The following WASF2 variants were observed in gnomAD, a reference collection of about 807,000 sequenced individuals.
WASF2 encodes the protein WASP family member 2, also known as actin-binding protein WASF2.
In WASF2, 14 loss-of-function variants were observed where a neutral mutation model predicts 45.0. The ratio of observed to expected loss-of-function variants is 0.31; its 90% confidence interval spans 0.21 to 0.49. The LOEUF is 0.49. WASF2 is among the 20% of genes least tolerant of loss of function. WASF2 has a pLI of 0.99. For missense variants in WASF2, 439 were observed against 636.1 expected (o/e 0.69, Z 3.33); for synonymous variants, 200 against 236.3 (o/e 0.85, Z 1.41).
rs1227732420 is a variant in WASF2, at chr1:27,410,283, G to T, written c.825-77C>A. 2.0e-5 allele frequency: 31 copies of T among 1,570,344 alleles called. No homozygotes were observed. Among genetic ancestry groups the T allele is most frequent in the Non-Finnish European group, 2.6e-5 (30 of 1,152,836 alleles). ...CTATCTACAGTTAGCCTTGTCTACA[G>T]ACCGAGGTTTATCTTGGTTGACTAT... On this transcript the variant is annotated intron_variant, in intron 7 of 8. Coordinates refer to ENST00000618852, the MANE Select transcript of WASF2 (RefSeq NM_006990.5). The surrounding 1 kb of genome is among the most constrained non-coding windows in gnomAD (Gnocchi z 4.2).
intron 1 of WASF2, among the ~76,000 whole-genome samples, chr1:27,467,548 G>A (rs374437366): frequency 6.6e-6 from 1 of 150,492 alleles, no homozygotes; most frequent in Non-Finnish European, 1.5e-5. Context: ...TGATCCGCCC[G>A]CCTTGACCTC....
At chr1:27,412,203 G>C (rs1178739179) in intron 7 of WASF2, among the ~76,000 whole-genome samples, 1 of 152,116 alleles carries the variant, frequency 6.6e-6, no homozygotes, top group Non-Finnish European at 1.5e-5. Context: ...TTGACCTAGG[G>C]TTTTAACTTT....
At chr1:27,440,107 G>A (rs1457203232) in intron 1 of WASF2, among the ~76,000 whole-genome samples, 1 of 152,192 alleles carries the variant, frequency 6.6e-6, no homozygotes, top group Non-Finnish European at 1.5e-5. Flanking sequence ...GAGCTAATAT[G>A]ATAAACAGAA....
intron 5 of WASF2, among the ~76,000 whole-genome samples, chr1:27,415,402 C>T (rs891354803): frequency 2.6e-5 from 4 of 152,164 alleles, no homozygotes; most frequent in South Asian, 2.1e-4. Flanking sequence ...AGAATTTTTC[C>T]GCCTGTGCAG....
At chr1:27,485,804 C>T (rs560922961) in intron 1 of WASF2, among the ~76,000 whole-genome samples, 11 of 152,246 alleles carry the variant, frequency 7.2e-5, no homozygotes, top group African/African-American at 1.2e-4. Context: ...CTCCGCCTCC[C>T]GGATTCAAGC....
At chr1:27,440,417 G>A (rs2017206197) in intron 1 of WASF2, among the ~76,000 whole-genome samples, 1 of 152,056 alleles carries the variant, frequency 6.6e-6, no homozygotes. Context: ...AGCTACTCAG[G>A]AGGCTGATAT....
At chr1:27,436,821 GGAACTCCTGCGGTA>G (rs911878830) in intron 1 of WASF2, among the ~76,000 whole-genome samples, 1 of 152,176 alleles carries the variant, frequency 6.6e-6, no homozygotes, top group Non-Finnish European at 1.5e-5. Context: ...GGACAGAAAT[GGAACTCCTGCGGTA>G]GATACAGAAA....
At chr1:27,463,357 C>T (rs977313583) in intron 1 of WASF2, among the ~76,000 whole-genome samples, 4 of 151,870 alleles carry the variant, frequency 2.6e-5, no homozygotes, top group Admixed American at 6.6e-5. Flanking sequence ...TGGCCGGATG[C>T]GGTGACACCT....
At chr1:27,440,937 G>A (rs1373530696) in intron 1 of WASF2, among the ~76,000 whole-genome samples, 2 of 151,882 alleles carry the variant, frequency 1.3e-5, no homozygotes, top group African/African-American at 2.4e-5. Context: ...CACAATCTCA[G>A]CTCACTGCAG....
chr1:27,431,752 A>G lies in WASF2; in HGVS notation c.-43-2819T>C, dbSNP rs577705728. On this transcript the variant is annotated intron_variant, in intron 1 of 8. Coordinates refer to ENST00000618852, the MANE Select transcript of WASF2 (RefSeq NM_006990.5). Reference sequence around the variant, plus strand: ...AATTCTAACACCTTGGTACTTTAGCACTTATGGTTTTCTAAGTGCCTTGGA... The same window carrying G: ...AATTCTAACACCTTGGTACTTTAGCGCTTATGGTTTTCTAAGTGCCTTGGA... 1.2e-4 allele frequency among the ~76,000 whole-genome samples: 18 copies of G among 152,336 alleles called. No homozygotes were observed. In the South Asian group the frequency reaches 3.5e-3, roughly 30 times the overall value.
chr1:27,456,995 G>GC (rs1422418981), intron 1 of WASF2, among the ~76,000 whole-genome samples: 1 of 151,878 alleles, frequency 6.6e-6, no homozygotes, highest in Admixed American at 6.6e-5. Flanking sequence ...GCCCGTCTCG[G>GC]CCCCCCAAAG....
chr1:27,473,720 C>A (rs998049402), intron 1 of WASF2, among the ~76,000 whole-genome samples: 1 of 152,056 alleles, frequency 6.6e-6, no homozygotes, highest in Non-Finnish European at 1.5e-5. Context: ...AAAGAAAGAC[C>A]AAAACACTTC....
rs766883572 is a variant in WASF2 at position 27,415,968 on chromosome 1, G to A, written c.537+17C>T. The A allele has an allele frequency of 5.0e-6, 8 of 1,600,264 alleles. No individual in the cohort carries two copies. The South Asian group carries it at 6.6e-5, about 13-fold the overall frequency. On this transcript the variant is annotated intron_variant, in intron 5 of 8. Coordinates refer to ENST00000618852, the MANE Select transcript of WASF2 (RefSeq NM_006990.5). The stretch of plus-strand genomic sequence containing the variant: ...CGTGCCTACTGATGTGGAGAACAGA[G>A]GCCCCTTTCCCCTCACCCTATGCTT...
At chr1:27,437,973 C>T (rs986588571) in intron 1 of WASF2, among the ~76,000 whole-genome samples, 8 of 152,220 alleles carry the variant, frequency 5.3e-5, no homozygotes, top group African/African-American at 1.9e-4. Flanking sequence ...ATAACTCACA[C>T]AAGCCCCAAT....
intron 1 of WASF2, among the ~76,000 whole-genome samples, chr1:27,464,376 A>T (rs1374560283): frequency 6.6e-6 from 1 of 151,946 alleles, no homozygotes; most frequent in Non-Finnish European, 1.5e-5. Context: ...AAAGAGGAAA[A>T]CGGTCTCAAA....
At chr1:27,473,816 T>G (rs890538661) in intron 1 of WASF2, among the ~76,000 whole-genome samples, 1 of 152,202 alleles carries the variant, frequency 6.6e-6, no homozygotes, top group Non-Finnish European at 1.5e-5. Context: ...TTTACCTAAT[T>G]ATTCCAGTTC....
At chr1:27,416,611 G>A (rs1327390399) in intron 4 of WASF2, among the ~76,000 whole-genome samples, 1 of 152,218 alleles carries the variant, frequency 6.6e-6, no homozygotes, top group Non-Finnish European at 1.5e-5. Flanking sequence ...GTTTACAGCT[G>A]TTATTTCTCT....
At chr1:27,411,358 G>A (rs1468513686) in intron 7 of WASF2, among the ~76,000 whole-genome samples, 1 of 152,188 alleles carries the variant, frequency 6.6e-6, no homozygotes, top group Non-Finnish European at 1.5e-5. Flanking sequence ...CCTCTGCCAG[G>A]GACATGCACA....
At chr1:27,452,030 G>A (rs6656683) in intron 1 of WASF2, among the ~76,000 whole-genome samples, 302 of 152,230 alleles carry the variant, frequency 2.0e-3, no homozygotes, top group Admixed American at 4.3e-3. Flanking sequence ...AACCAGAGTG[G>A]AACACAGGTA....
Sources: allele counts gnomAD v4.1 joint callset (sites outside exome capture counted in the v4.1 genomes callset), GRCh38; gene constraint gnomAD v4.1.1; non-coding constraint Gnocchi (gnomAD v3.1); transcripts MANE v1.5; gene names NCBI Gene and HGNC (gene_info 2026-07-23, HGNC 2026-07-21).